Variants in LRRC7 observed in about 807,000 individuals in gnomAD.
LRRC7 encodes the protein leucine rich repeat containing 7.
A neutral mutation model predicts 175.7 loss-of-function variants in LRRC7; 23 were observed. The observed-to-expected ratio is 0.13, with a 90% CI of 0.09 to 0.19. LRRC7 has a LOEUF of 0.19. Ranked by LOEUF, LRRC7 falls within the 10% of genes least tolerant of loss-of-function variation. The pLI, the probability that LRRC7 is intolerant of heterozygous loss-of-function variation, is 1.00. For synonymous variants in LRRC7, 685 were observed against 680.9 expected (o/e 1.01, Z -0.09); for missense variants, 1,354 against 1,904.7 (o/e 0.71, Z 5.38).
intron 11 of LRRC7, among the ~76,000 whole-genome samples, chr1:70,008,990 G>A (rs527434678): frequency 6.6e-6 from 1 of 152,268 alleles, no homozygotes; most frequent in African/African-American, 2.4e-5. Flanking sequence ...GAGCCAGTTT[G>A]TTGGGAGACT....
intron 22 of LRRC7, among the ~76,000 whole-genome samples, chr1:70,045,817 A>C (rs1252083055): frequency 6.6e-6 from 1 of 152,150 alleles, no homozygotes; most frequent in African/African-American, 2.4e-5. Flanking sequence ...GCAGCAGGCA[A>C]GATTGCTTGT....
At chr1:69,808,966 CA>C (rs573188757) in intron 4 of LRRC7, among the ~76,000 whole-genome samples, 13 of 151,370 alleles carry the variant, frequency 8.6e-5, no homozygotes, top group African/African-American at 2.9e-4. Flanking sequence ...AAAATCCCTT[CA>C]AAAAAAATCA....
At chr1:69,687,847 T>C (rs1014189588) in intron 2 of LRRC7, among the ~76,000 whole-genome samples, 2 of 152,198 alleles carry the variant, frequency 1.3e-5, no homozygotes, top group Non-Finnish European at 1.5e-5. Flanking sequence ...TTGGTAAAAA[T>C]CATTTTGATT....
chr1:70,040,567 A>G (rs1437280904), intron 21 of LRRC7, among the ~76,000 whole-genome samples: 1 of 152,208 alleles, frequency 6.6e-6, no homozygotes, highest in Non-Finnish European at 1.5e-5. Context: ...CATGCCTGTA[A>G]TCCCAGCACT....
chr1:69,783,715 G>A (rs1208777589), intron 3 of LRRC7, among the ~76,000 whole-genome samples: 1 of 132,798 alleles, frequency 7.5e-6, no homozygotes, highest in Non-Finnish European at 1.5e-5. Flanking sequence ...TCACGCCACT[G>A]CACTCCAGCC....
rs569632341 is a variant in LRRC7 at position 69,805,753 on chromosome 1, A to G, written c.421+13593A>G. 2.0e-5 allele frequency among the ~76,000 whole-genome samples: 3 copies of G among 151,848 alleles called. No homozygotes were observed. In the South Asian group the frequency reaches 6.2e-4, roughly 31 times the overall value. On this transcript the variant is annotated intron_variant, in intron 4 of 26. Transcript: ENST00000651989. ...TATCATTTCCTCCTGCCACCTTTTC[A>G]GCTTAATGCTGGAACTTTTAACTCT... is the stretch of plus-strand genomic sequence containing the variant.
chr1:70,075,008 G>C (rs1480311953), intron 23 of LRRC7, among the ~76,000 whole-genome samples: 1 of 151,954 alleles, frequency 6.6e-6, no homozygotes, highest in Non-Finnish European at 1.5e-5. Context: ...TGAATTCAAA[G>C]GTGAAATTCA....
At chr1:69,961,735 A>G (rs1190355293) in intron 8 of LRRC7, among the ~76,000 whole-genome samples, 1 of 152,232 alleles carries the variant, frequency 6.6e-6, no homozygotes, top group Non-Finnish European at 1.5e-5. Flanking sequence ...GCAATGGGAA[A>G]AGGATTCCCT....
chr1:69,692,373 A>G (rs923247615), intron 2 of LRRC7, among the ~76,000 whole-genome samples: 2 of 152,240 alleles, frequency 1.3e-5, no homozygotes, highest in Admixed American at 6.5e-5. Flanking sequence ...AGATGAGTGC[A>G]TGATAAGCAC....
intron 25 of LRRC7, among the ~76,000 whole-genome samples, chr1:70,097,534 A>C (rs1664498198): frequency 6.6e-6 from 1 of 151,858 alleles, no homozygotes; most frequent in Non-Finnish European, 1.5e-5. Flanking sequence ...ATACGTATAC[A>C]TGTGCCATGC....
intron 17 of LRRC7, 97 bp downstream of exon 17, chr1:70,023,471 A>T: frequency 7.9e-7 from 1 of 1,258,700 alleles, no homozygotes; most frequent in Non-Finnish European, 1.0e-6. Context: ...GGGGTAAGAA[A>T]TGTTGATCAC....
At chr1:69,897,680 TA>T (rs67043665) in intron 7 of LRRC7, among the ~76,000 whole-genome samples, 6,679 of 151,796 alleles carry the variant, frequency 0.044, 217 homozygotes, top group East Asian at 0.15. Flanking sequence ...CAAAGGTTTA[TA>T]AAAAAAAATG....
intron 7 of LRRC7, among the ~76,000 whole-genome samples, chr1:69,908,177 G>A (rs1248971587): frequency 8.6e-5 from 13 of 151,724 alleles, no homozygotes; most frequent in South Asian, 2.1e-4. Flanking sequence ...TCTTGCTAGC[G>A]GTCTATCAAT....
Position 70,132,941 on chromosome 1 carries a change from G to A in LRRC7, c.*11054G>A, listed in dbSNP as rs1421115822. Among the ~76,000 whole-genome samples, 2 of 152,126 alleles carry A rather than the reference G, an allele frequency of 1.3e-5. No individual in the cohort carries two copies. The highest frequency in any genetic ancestry group is 2.9e-5 in the Non-Finnish European group (2 of 68,020). ...TTCATGCTATTCTTAAATTCCTGGA[G>A]CGAAGGGGTGAACATTTCCCTCTGT... On this transcript the variant is annotated 3_prime_UTR_variant, in exon 27 of 27. Coordinates refer to ENST00000651989, the MANE Select transcript of LRRC7 (RefSeq NM_001370785.2).
intron 1 of LRRC7, among the ~76,000 whole-genome samples, chr1:69,667,949 T>C (rs61782256): frequency 1.6e-4 from 25 of 152,136 alleles, no homozygotes; most frequent in African/African-American, 6.0e-4. Flanking sequence ...TTTAATTCAT[T>C]GCTTTTTATT....
At chr1:69,661,430 G>A (rs981966153) in intron 1 of LRRC7, among the ~76,000 whole-genome samples, 1 of 152,056 alleles carries the variant, frequency 6.6e-6, no homozygotes, top group Non-Finnish European at 1.5e-5. Context: ...ATAACCATGA[G>A]TGTGATCATG....
rs150156994 is a variant in LRRC7 at position 69,867,520 on chromosome 1, C to T, written c.647+29237C>T. Among the ~76,000 whole-genome samples, 1,248 of 151,966 alleles carry T rather than the reference C, an allele frequency of 8.2e-3. 16 individuals carry two copies. The highest frequency in any genetic ancestry group is 0.035 in the South Asian group (167 of 4,810). On this transcript the variant is annotated intron_variant, in intron 7 of 26. Coordinates refer to ENST00000651989, the MANE Select transcript of LRRC7 (RefSeq NM_001370785.2). Reference sequence around the variant, plus strand: ...TCAGGTTTGCATTTTTCAAGGGTAACGAACAGTTATGAAGCAAATCTGAGG... The same window carrying T: ...TCAGGTTTGCATTTTTCAAGGGTAATGAACAGTTATGAAGCAAATCTGAGG...
rs771402657 is a variant in LRRC7 at position 70,038,578 on chromosome 1, A to T, written c.2754A>T (p.Glu918Asp). The change falls in exon 21 of 27, where the codon GAA (glutamate) becomes GAT (aspartate). Residue 918 changes from glutamate (E) to aspartate (D), a missense_variant. Coordinates refer to ENST00000651989, the MANE Select transcript of LRRC7 (RefSeq NM_001370785.2). ...CTGAAAGGAAAGAACATATAAAGGA[A>T]TCTACTGAAATACCTAGTCCTTTTT... The part of the protein sequence containing the change: ...PLPERKEHIK[E>D]STEIPSPFSP... The T allele has an allele frequency of 1.3e-5, 21 of 1,614,022 alleles. 1 individual carries two copies. The South Asian group carries it at 2.3e-4, about 18-fold the overall frequency.
chr1:69,893,411 G>A (rs12027907), intron 7 of LRRC7, among the ~76,000 whole-genome samples: 21,717 of 152,176 alleles, frequency 0.14, 2,283 homozygotes, highest in African/African-American at 0.3. Flanking sequence ...CGTAAGAGGA[G>A]CATAAAAATA....
Sources: allele counts gnomAD v4.1 joint callset (sites outside exome capture counted in the v4.1 genomes callset), GRCh38; gene constraint gnomAD v4.1.1; transcripts MANE v1.5; gene names NCBI Gene and HGNC (gene_info 2026-07-23, HGNC 2026-07-21).